The following SLC8A1 variants were observed in gnomAD, a reference collection of about 807,000 sequenced individuals.
SLC8A1 encodes the protein sodium/calcium exchanger 1.
SLC8A1 carries 18 observed loss-of-function variants against 68.3 expected under a neutral mutation model. The ratio of observed to expected loss-of-function variants is 0.26; its 90% CI spans 0.18 to 0.39. SLC8A1 has a LOEUF of 0.39. Among genes scored for constraint, SLC8A1 ranks in the 10% least tolerant of loss-of-function variants. The pLI, the probability that SLC8A1 is intolerant of heterozygous loss-of-function variation, is 1.00. For missense variants in SLC8A1, 985 were observed against 1,156.7 expected, an observed-to-expected ratio of 0.85 and a Z score of 2.15; for synonymous variants, 475 against 415.5, an observed-to-expected ratio of 1.14 and a Z score of -1.74.
rs1695715707 is a variant in SLC8A1 at position 40,422,252 on chromosome 2, T to C, written c.1808+6221A>G. 3.3e-5 allele frequency among the ~76,000 whole-genome samples: 5 copies of C among 149,486 alleles called. No individual in the cohort carries two copies. The South Asian group carries it at 1.0e-3, about 31-fold the overall frequency. ...CATTTATACTGTAATAAGGGACTAA[T>C]CGATGTTCTACCCCAAACAGTAAAT... On this transcript the variant is annotated intron_variant, in intron 2 of 7. Transcript: ENST00000406785.
chr2:40,396,064 A>G (rs1686798792), intron 2 of SLC8A1, among the ~76,000 whole-genome samples: 1 of 152,146 alleles, frequency 6.6e-6, no homozygotes, highest in Non-Finnish European at 1.5e-5. Flanking sequence ...GGAAAGAAAG[A>G]TAATACTTCC....
chr2:40,248,562 G>A (rs1253838408), intron 2 of SLC8A1, among the ~76,000 whole-genome samples: 2 of 152,138 alleles, frequency 1.3e-5, no homozygotes, highest in Admixed American at 1.3e-4. Flanking sequence ...ATACATTTCT[G>A]TTGTTATAAG....
intron 2 of SLC8A1, among the ~76,000 whole-genome samples, chr2:40,204,938 T>G (rs889012408): frequency 6.6e-6 from 1 of 152,004 alleles, no homozygotes; most frequent in Non-Finnish European, 1.5e-5. Flanking sequence ...TGGTACAGGA[T>G]TGAGTGGTGA....
At chr2:40,240,245 G>A (rs901681562) in intron 2 of SLC8A1, among the ~76,000 whole-genome samples, 3 of 152,180 alleles carry the variant, frequency 2.0e-5, no homozygotes, top group South Asian at 2.1e-4. Flanking sequence ...AAGGGCTGAC[G>A]ACATGGCAGG....
At chr2:40,221,194 A>G (rs423352) in intron 2 of SLC8A1, among the ~76,000 whole-genome samples, 152,258 of 152,290 alleles carry the variant, frequency 1, 76,113 homozygotes, top group Middle Eastern at 1. Context: ...TGATCAAGTG[A>G]GCTTCATCCC....
chr2:40,287,106 G>A (rs1334213735), intron 2 of SLC8A1, among the ~76,000 whole-genome samples: 2 of 152,138 alleles, frequency 1.3e-5, no homozygotes, highest in South Asian at 4.1e-4. Context: ...GTTACACTCA[G>A]CTTGTCTGTC....
At chr2:40,249,245 C>G (rs2062359546) in intron 2 of SLC8A1, among the ~76,000 whole-genome samples, 1 of 152,016 alleles carries the variant, frequency 6.6e-6, no homozygotes, top group Non-Finnish European at 1.5e-5. Context: ...TGATGTCTAT[C>G]AATCAAGTAA....
At chr2:40,294,306 T>C (rs1215699013) in intron 2 of SLC8A1, among the ~76,000 whole-genome samples, 1 of 152,124 alleles carries the variant, frequency 6.6e-6, no homozygotes, top group Non-Finnish European at 1.5e-5. Context: ...TGCCAGGAAC[T>C]GTTCTAAAGC....
intron 2 of SLC8A1, among the ~76,000 whole-genome samples, chr2:40,368,764 C>A (rs981959954): frequency 6.6e-6 from 1 of 151,964 alleles, no homozygotes; most frequent in East Asian, 1.9e-4. Context: ...GTGTTGTTCC[C>A]CTCTATGTGC....
At chr2:40,485,571 C>T (rs990444662) in intron 1 of SLC8A1, among the ~76,000 whole-genome samples, 2 of 152,176 alleles carry the variant, frequency 1.3e-5, no homozygotes, top group East Asian at 3.9e-4. Flanking sequence ...TTATTTCCCT[C>T]TTTTCTGTAA....
chr2:40,148,494 A>G (rs759947187), intron 6 of SLC8A1, among the ~76,000 whole-genome samples: 12 of 152,202 alleles, frequency 7.9e-5, no homozygotes, highest in Non-Finnish European at 1.5e-4. Context: ...AAATTGAGTA[A>G]CAGTCTAATG....
exon 8 of SLC8A1, chr2:40,109,473 G>A (rs958045953): frequency 6.6e-6 from 1 of 152,148 alleles, no homozygotes; most frequent in Non-Finnish European, 1.5e-5. Flanking sequence ...ATGTGTAACT[G>A]TAGGTATGAT....
chr2:40,501,617 G>A (rs1203878723), intron 1 of SLC8A1, among the ~76,000 whole-genome samples: 2 of 152,066 alleles, frequency 1.3e-5, no homozygotes, highest in Non-Finnish European at 2.9e-5. Flanking sequence ...AAATCACCCA[G>A]TACATTCTCC....
At chr2:40,177,543 C>A (rs140372009) in intron 3 of SLC8A1, among the ~76,000 whole-genome samples, 211 of 152,240 alleles carry the variant, frequency 1.4e-3, no homozygotes, top group Admixed American at 2.2e-3. Flanking sequence ...TGGTTGCAAT[C>A]AAGGTTAGTT....
At chr2:40,173,632 A>C (rs2047943756) in intron 4 of SLC8A1, among the ~76,000 whole-genome samples, 1 of 152,260 alleles carries the variant, frequency 6.6e-6, no homozygotes, top group Non-Finnish European at 1.5e-5. Context: ...GATTAAGTTC[A>C]TCCCAATTCC....
At chr2:40,112,874 C>A (rs2034731358) in exon 8 of SLC8A1, 1 of 152,272 alleles carries the variant, frequency 6.6e-6, no homozygotes, top group Admixed American at 6.5e-5. Flanking sequence ...GGTGGTTTTC[C>A]AAACATATGC....
chr2:40,390,024 C>T (rs1461663875), intron 2 of SLC8A1, among the ~76,000 whole-genome samples: 1 of 151,916 alleles, frequency 6.6e-6, no homozygotes, highest in Admixed American at 6.6e-5. Flanking sequence ...GTTCCTCAAT[C>T]TTCCTTTTTC....
intron 2 of SLC8A1, among the ~76,000 whole-genome samples, chr2:40,194,701 T>C (rs1042730898): frequency 6.6e-6 from 1 of 151,654 alleles, no homozygotes; most frequent in Admixed American, 6.6e-5. Context: ...ATAGGAGCAG[T>C]GAGAGGTTGA....
At chr2:40,162,851 A>T (rs1335532628) in intron 5 of SLC8A1, among the ~76,000 whole-genome samples, 1 of 152,172 alleles carries the variant, frequency 6.6e-6, no homozygotes, top group Non-Finnish European at 1.5e-5. Flanking sequence ...CATAGTAAAT[A>T]AGAACTCAGT....
Sources: gnomAD v4.1 joint callset for allele counts (sites outside exome capture counted in the v4.1 genomes callset) on GRCh38, gnomAD v4.1.1 for gene constraint, MANE v1.5 for transcripts, NCBI Gene and HGNC (gene_info 2026-07-23, HGNC 2026-07-21) for gene names.